LRP1B: variants seen among roughly 807,000 people sequenced by gnomAD.
LRP1B encodes LDL receptor related protein 1B.
Under a neutral mutation model 556.6 loss-of-function variants are expected in LRP1B, and 217 were observed. That is an observed-to-expected ratio of 0.39 (90% CI 0.35 to 0.44). LRP1B has a LOEUF of 0.44. Among genes scored for constraint, LRP1B ranks in the 20% least tolerant of loss-of-function variants. The pLI is 1.00. For missense variants in LRP1B, 5,053 were observed against 5,620.8 expected, an observed-to-expected ratio of 0.90 and a Z score of 3.23; for synonymous variants, 2,047 against 1,865.8, an observed-to-expected ratio of 1.10 and a Z score of -2.50.
intron 23 of LRP1B, among the ~76,000 whole-genome samples, chr2:140,895,151 T>C (rs1693912910): frequency 6.6e-6 from 1 of 152,050 alleles, no homozygotes; most frequent in South Asian, 2.1e-4. Context: ...ACAATCTCTT[T>C]CCTAGAAATG....
intron 2 of LRP1B, among the ~76,000 whole-genome samples, chr2:141,524,917 T>C (rs1684645664): frequency 6.6e-6 from 1 of 152,136 alleles, no homozygotes; most frequent in African/African-American, 2.4e-5. Context: ...TATTTTGTTT[T>C]ATAAAGAAAG....
chr2:142,045,530 A>G (rs1704227752), intron 1 of LRP1B, among the ~76,000 whole-genome samples: 1 of 151,876 alleles, frequency 6.6e-6, no homozygotes, highest in Admixed American at 6.6e-5. Context: ...GATGTATGCA[A>G]TTGACGACCA....
chr2:141,394,941 T>A (rs1025619897), intron 3 of LRP1B, among the ~76,000 whole-genome samples: 1 of 152,062 alleles, frequency 6.6e-6, no homozygotes, highest in African/African-American at 2.4e-5. Flanking sequence ...TGCCTAGGGA[T>A]CTGGAAAGAG....
At chr2:142,087,628 A>G (rs1705997169) in intron 1 of LRP1B, among the ~76,000 whole-genome samples, 1 of 151,794 alleles carries the variant, frequency 6.6e-6, no homozygotes, top group Non-Finnish European at 1.5e-5. Context: ...AATATAAAAT[A>G]TCGCCCCTTT....
At chr2:141,923,549 G>A (rs1700255637) in intron 1 of LRP1B, among the ~76,000 whole-genome samples, 1 of 146,694 alleles carries the variant, frequency 6.8e-6, no homozygotes, top group Non-Finnish European at 1.5e-5. Flanking sequence ...CTGTATTTCA[G>A]TTTTTTCTTA....
chr2:140,436,828 CT>C (rs1686204995), intron 66 of LRP1B, among the ~76,000 whole-genome samples: 1 of 152,008 alleles, frequency 6.6e-6, no homozygotes, highest in Non-Finnish European at 1.5e-5. Context: ...GGACCAAGAC[CT>C]GGAAAGATAA....
chr2:141,465,943 C>T (rs1294118294), intron 3 of LRP1B, among the ~76,000 whole-genome samples: 1 of 151,938 alleles, frequency 6.6e-6, no homozygotes, highest in Middle Eastern at 3.2e-3. Flanking sequence ...GGCTGGAGTG[C>T]AATGGCACGA....
At chr2:141,390,598 A>G (rs565549661) in intron 3 of LRP1B, among the ~76,000 whole-genome samples, 1 of 152,366 alleles carries the variant, frequency 6.6e-6, no homozygotes, top group South Asian at 2.1e-4. Flanking sequence ...TTATTCAGAC[A>G]TAAATAGGAA....
At chr2:140,946,932 A>T (rs1695565660) in intron 20 of LRP1B, among the ~76,000 whole-genome samples, 1 of 152,170 alleles carries the variant, frequency 6.6e-6, no homozygotes, top group Non-Finnish European at 1.5e-5. Context: ...ACAGAAAACC[A>T]TATATTAGAT....
At position 140,254,212 on chromosome 2, in the gene LRP1B, TAAC is replaced by T. The variant is rs1290083519; in HGVS notation, c.13248-7053_13248-7051del. 2.6e-5 allele frequency among the ~76,000 whole-genome samples: 4 copies of T among 152,290 alleles called. No homozygotes were observed. In the East Asian group the frequency reaches 7.7e-4, roughly 29 times the overall value. ...TGCACTTTAAAATAAAGCAGTTTAATAACTGCTTTAATAAAAGCACTATTCGAC... is the reference window on the plus strand; with the variant it reads ...TGCACTTTAAAATAAAGCAGTTTAATTGCTTTAATAAAAGCACTATTCGAC... On this transcript the variant is annotated intron_variant, in intron 86 of 90. Coordinates refer to ENST00000389484, the MANE Select transcript of LRP1B (RefSeq NM_018557.3).
chr2:142,001,462 CCTG>C (rs1574580439), intron 1 of LRP1B, among the ~76,000 whole-genome samples: 1 of 152,156 alleles, frequency 6.6e-6, no homozygotes, highest in East Asian at 1.9e-4. Flanking sequence ...CTTCATAGTT[CCTG>C]CTTAGTAATT....
intron 2 of LRP1B, among the ~76,000 whole-genome samples, chr2:141,722,164 T>A (rs745834286): frequency 6.6e-6 from 1 of 152,094 alleles, no homozygotes; most frequent in Non-Finnish European, 1.5e-5. Context: ...GACCACCTGA[T>A]GTCAGGAGTT....
chr2:140,415,883 A>G (rs1034923973), intron 66 of LRP1B, among the ~76,000 whole-genome samples: 3 of 152,206 alleles, frequency 2.0e-5, no homozygotes, highest in Non-Finnish European at 4.4e-5. Flanking sequence ...CAGTTATAGA[A>G]GTTGCAAATG....
intron 7 of LRP1B, among the ~76,000 whole-genome samples, chr2:141,147,904 G>A (rs1701826040): frequency 6.6e-6 from 1 of 152,034 alleles, no homozygotes; most frequent in African/African-American, 2.4e-5. Context: ...GCTTCTCGTT[G>A]TGTTATAACT....
chr2:141,220,631 A>AG (rs1682996893), intron 6 of LRP1B, among the ~76,000 whole-genome samples: 1 of 151,726 alleles, frequency 6.6e-6, no homozygotes, highest in Admixed American at 6.6e-5. Flanking sequence ...GGAAAAAAAA[A>AG]AAAAAAGAAA....
At chr2:140,323,308 G>A (rs1233198816) in intron 81 of LRP1B, among the ~76,000 whole-genome samples, 3 of 151,894 alleles carry the variant, frequency 2.0e-5, no homozygotes, top group African/African-American at 7.3e-5. Context: ...CTCCTTTCTA[G>A]GAGGGAGACT....
chr2:141,908,569 G>A (rs898213118), intron 1 of LRP1B, among the ~76,000 whole-genome samples: 1 of 151,980 alleles, frequency 6.6e-6, no homozygotes, highest in Non-Finnish European at 1.5e-5. Context: ...GTGAAAGGGT[G>A]TCTATTTGTC....
At chr2:141,923,366 T>C (rs1418804378) in intron 1 of LRP1B, among the ~76,000 whole-genome samples, 1 of 135,302 alleles carries the variant, frequency 7.4e-6, no homozygotes, top group East Asian at 2.3e-4. Flanking sequence ...TAATGCCAGG[T>C]TGCTAATATA....
chr2:141,908,479 A>C (rs1248847344), intron 1 of LRP1B, among the ~76,000 whole-genome samples: 1 of 152,028 alleles, frequency 6.6e-6, no homozygotes, highest in East Asian at 1.9e-4. Flanking sequence ...ACAGAGAAAA[A>C]CCATATGATA....
Sources: allele counts gnomAD v4.1 joint callset (sites outside exome capture counted in the v4.1 genomes callset), GRCh38; gene constraint gnomAD v4.1.1; transcripts MANE v1.5; gene names NCBI Gene and HGNC (gene_info 2026-07-23, HGNC 2026-07-21).